EXD3: variants seen among roughly 807,000 people sequenced by gnomAD.
EXD3 encodes the protein exonuclease mut-7 homolog.
Under a neutral mutation model 98.0 loss-of-function variants are expected in EXD3, and 92 were observed. That is an observed-to-expected ratio of 0.94 (90% CI 0.79 to 1.12). The LOEUF is 1.12. EXD3 is among the 50% of genes most tolerant of loss of function. The pLI is 0.00. For missense variants in EXD3, 1,222 were observed against 1,191.6 expected (o/e 1.03, Z -0.38); for synonymous variants, 569 against 526.0 (o/e 1.08, Z -1.12).
chr9:137,370,182 G>A (rs1835519218), intron 5 of EXD3, among the ~76,000 whole-genome samples: 1 of 152,172 alleles, frequency 6.6e-6, no homozygotes, highest in Non-Finnish European at 1.5e-5. Context: ...CCTGACCCCT[G>A]TCTCAGGCTT....
At chr9:137,327,523 G>A (rs962841720) in intron 17 of EXD3, among the ~76,000 whole-genome samples, 1 of 152,000 alleles carries the variant, frequency 6.6e-6, no homozygotes, top group African/African-American at 2.4e-5. Flanking sequence ...CCACTGAATT[G>A]TACACTTAAA....
intron 1 of EXD3, among the ~76,000 whole-genome samples, chr9:137,418,584 T>G (rs1838352008): frequency 6.6e-6 from 1 of 152,220 alleles, no homozygotes; most frequent in Admixed American, 6.5e-5. Context: ...TCGCTGAGTT[T>G]TTAACGGAAA....
intron 1 of EXD3, among the ~76,000 whole-genome samples, chr9:137,402,840 G>A (rs1162906476): frequency 2.6e-5 from 4 of 152,180 alleles, no homozygotes; most frequent in Admixed American, 2.6e-4. Context: ...GGAGGCCTCA[G>A]AATCACGGTG....
At chr9:137,398,096 T>C (rs1837298229) in intron 1 of EXD3, among the ~76,000 whole-genome samples, 1 of 152,264 alleles carries the variant, frequency 6.6e-6, no homozygotes, top group South Asian at 2.1e-4. Context: ...ACTCAGTGGC[T>C]GTGCTTCACA....
At position 137,383,988 on chromosome 9, in the gene EXD3, G is replaced by A. The variant is rs532680577; in HGVS notation, c.56-611C>T. Among the ~76,000 whole-genome samples, 14 of 152,316 alleles carry A rather than the reference G, an allele frequency of 9.2e-5. No homozygotes were observed. In the South Asian group the frequency reaches 1.4e-3, roughly 16 times the overall value. On this transcript the variant is annotated intron_variant, in intron 2 of 21. Transcript: ENST00000340951. ...GGCTGCGTGGCTTGGCTTGGAGGCC[G>A]GTGGTGCAGGGGAGTGGAGACCCAC... is the stretch of plus-strand genomic sequence containing the variant.
chr9:137,421,617 A>G (rs1010974639), intron 1 of EXD3, among the ~76,000 whole-genome samples: 1 of 152,238 alleles, frequency 6.6e-6, no homozygotes, highest in Non-Finnish European at 1.5e-5. Flanking sequence ...TGAGAGGATC[A>G]CTTGGGCTCA....
In EXD3 at chr9:137,403,485, C is replaced by T. The variant is rs1245785367; in HGVS notation, c.-47-8081G>A. ...CTCCGAGGGTCGGGGGCCGCAGGGT[C>T]TGGCAGCACCCCATGAAGGCCGCCC... On this transcript the variant is annotated intron_variant, in intron 1 of 21. Coordinates refer to ENST00000340951, the MANE Select transcript of EXD3 (RefSeq NM_017820.5). The surrounding 1 kb of genome is among the most constrained non-coding windows in gnomAD (Gnocchi z 6.1). Among the ~76,000 whole-genome samples, 2 of 152,056 alleles carry T rather than the reference C, an allele frequency of 1.3e-5. No individual in the cohort carries two copies. The highest frequency in any genetic ancestry group is 2.4e-5 in the African/African-American group (1 of 41,406).
At chr9:137,340,249 G>A (rs1459322005) in intron 17 of EXD3, among the ~76,000 whole-genome samples, 1 of 152,094 alleles carries the variant, frequency 6.6e-6, no homozygotes, top group Admixed American at 6.5e-5. Context: ...AGGCTGAGGC[G>A]GGCGGATCAT....
In EXD3 at chr9:137,343,650, G is replaced by A. The variant is rs551704141; in HGVS notation, c.1998+4421C>T. The stretch of plus-strand genomic sequence containing the variant: ...GTTACCCAGGCTGGAGTGCAGTGGC[G>A]TGATCTCGGCTCACTGCAAGCTCTG... On this transcript the variant is annotated intron_variant, in intron 17 of 21. Transcript: ENST00000340951. 1.4e-4 allele frequency among the ~76,000 whole-genome samples: 17 copies of A among 124,234 alleles called. No homozygotes were observed. The South Asian group carries it at 2.4e-3, about 17-fold the overall frequency. The allele number at this position is 124,234 out of a possible 152,430, so 81.5% of individuals were successfully genotyped here.
chr9:137,312,606 A>G (rs1440935295), intron 19 of EXD3, among the ~76,000 whole-genome samples: 1 of 152,170 alleles, frequency 6.6e-6, no homozygotes, highest in Non-Finnish European at 1.5e-5. Context: ...CTCCAGGCCC[A>G]AGGAGGAGTG....
intron 10 of EXD3, chr9:137,353,554 G>C: frequency 1.0e-6 from 1 of 986,096 alleles, no homozygotes; most frequent in Non-Finnish European, 1.2e-6. Flanking sequence ...GACCAAGGGG[G>C]TCCTGAGAAA....
chr9:137,379,281 T>C (rs111866872), intron 3 of EXD3, among the ~76,000 whole-genome samples: 919 of 24,498 alleles, frequency 0.038, no homozygotes, highest in Middle Eastern at 0.11. Flanking sequence ...GTACGGGGTT[T>C]GTGGGTGACG....
intron 1 of EXD3, among the ~76,000 whole-genome samples, chr9:137,415,870 G>A (rs544110508): frequency 5.0e-4 from 76 of 152,336 alleles, no homozygotes; most frequent in Middle Eastern, 3.4e-3. Flanking sequence ...GCATAAAGTC[G>A]CGTTGCCCTA....
rs58444859 is a variant in EXD3, at chr9:137,351,340, C to T, written c.1362G>A (p.Ser454=). ...CACCCAGCTTGGTGATAGAGGGGTC[C>T]GAGAGGAGCTGGGCCACCAGCCGGG... ...AFSRLVAQLL[S]DPSITKLGYG... is the part of the protein sequence containing the mutation. The change falls in exon 13 of 22, where the codon TCG becomes TCA. Residue 454 remains serine, a synonymous_variant. Coordinates refer to ENST00000340951, the MANE Select transcript of EXD3 (RefSeq NM_017820.5). The T allele has an allele frequency of 0.058, 93,407 of 1,611,460 alleles. 2,941 individuals carry two copies. Among genetic ancestry groups the T allele is most frequent in the East Asian group, 0.13 (5,798 of 44,818 alleles).
At chr9:137,341,606 T>G (rs1819486688) in intron 17 of EXD3, among the ~76,000 whole-genome samples, 1 of 77,882 alleles carries the variant, frequency 1.3e-5, no homozygotes, top group African/African-American at 5.3e-5. Context: ...CCAGGAGCCG[T>G]CTCCCAGGAG....
chr9:137,352,455 G>C (rs1834355563), intron 11 of EXD3, among the ~76,000 whole-genome samples, 165 bp downstream of exon 11: 1 of 152,190 alleles, frequency 6.6e-6, no homozygotes, highest in Non-Finnish European at 1.5e-5. Context: ...GAGGAGGGCT[G>C]GGCCCTGCTG....
At chr9:137,400,826 C>T (rs10124498) in intron 1 of EXD3, among the ~76,000 whole-genome samples, 11,320 of 151,952 alleles carry the variant, frequency 0.074, 626 homozygotes, top group Admixed American at 0.17. Flanking sequence ...ACAGGGCCCA[C>T]GCAAGTCTGA....
chr9:137,309,254 T>C (rs2119039317), intron 20 of EXD3, among the ~76,000 whole-genome samples: 1 of 152,294 alleles, frequency 6.6e-6, no homozygotes, highest in South Asian at 2.1e-4. Context: ...CAGCTAGTGC[T>C]GTGTGCAGGT....
At position 137,352,183 on chromosome 9, in the gene EXD3, C is replaced by T. The variant is rs377173192; in HGVS notation, c.1056G>A (p.Ser352=). Residue 352 remains serine, a synonymous_variant, in exon 12 of 22, where the codon TCG becomes TCA. Transcript: ENST00000340951. The part of the protein sequence containing the change: ...RLQGRATEAD[S]RLEVKDMKDR... ...CCTTCATGTCCTTCACCTCCAGCCT[C>T]GAGTCAGCCTCAGTCGCCCTGGGAG... 4.4e-5 allele frequency: 71 copies of T among 1,612,726 alleles called. No individual in the cohort carries two copies. In the African/African-American group the frequency reaches 6.1e-4, roughly 14 times the overall value.
Sources: gnomAD v4.1 joint callset for allele counts (sites outside exome capture counted in the v4.1 genomes callset) on GRCh38, gnomAD v4.1.1 for gene constraint, Gnocchi (gnomAD v3.1) non-coding constraint, MANE v1.5 for transcripts, NCBI Gene and HGNC (gene_info 2026-07-23, HGNC 2026-07-21) for gene names.